Variants in NFIB observed in about 807,000 individuals in gnomAD.
The protein encoded by NFIB is nuclear factor 1 B-type.
Under a neutral mutation model 61.5 loss-of-function variants are expected in NFIB, and 11 were observed. The ratio of observed to expected loss-of-function variants is 0.18; its 90% CI spans 0.11 to 0.30. NFIB has a LOEUF of 0.30. Among genes scored for constraint, NFIB ranks in the 10% least tolerant of loss-of-function variants. NFIB has a pLI of 1.00. For missense variants in NFIB, 471 were observed against 608.9 expected, an observed-to-expected ratio of 0.77 and a Z score of 2.38; for synonymous variants, 260 against 216.5, an observed-to-expected ratio of 1.20 and a Z score of -1.76.
At chr9:14,484,214 T>C in the NFIB span, among the ~76,000 whole-genome samples, 3 of 152,214 alleles carry the variant, frequency 2.0e-5, no homozygotes, top group Non-Finnish European at 4.4e-5. Context: ...GCACTAGACA[T>C]AGAATAGTGA....
intron 2 of NFIB, among the ~76,000 whole-genome samples, chr9:14,288,206 GA>G (rs2058843830): frequency 6.6e-6 from 1 of 151,886 alleles, no homozygotes; most frequent in Admixed American, 6.6e-5. Flanking sequence ...ATAAACAATT[GA>G]AATACCAGAA....
the NFIB span, among the ~76,000 whole-genome samples, chr9:14,415,386 T>C: frequency 3.9e-5 from 6 of 152,342 alleles, no homozygotes; most frequent in South Asian, 1.0e-3. Flanking sequence ...CCATATACTA[T>C]GTTACAATGT....
chr9:14,154,992 T>A (rs1287818683), intron 4 of NFIB, among the ~76,000 whole-genome samples: 1 of 152,108 alleles, frequency 6.6e-6, no homozygotes, highest in Non-Finnish European at 1.5e-5. Context: ...GGTATCAGAG[T>A]GTGACTACAT....
At chr9:14,368,535 A>G (rs933485591) in intron 1 of NFIB, among the ~76,000 whole-genome samples, 2 of 152,208 alleles carry the variant, frequency 1.3e-5, no homozygotes, top group Admixed American at 6.6e-5. Flanking sequence ...AACTCCTTGG[A>G]GTGGTACAGA....
At chr9:14,323,175 A>C (rs558143275) in intron 1 of NFIB, among the ~76,000 whole-genome samples, 1 of 152,162 alleles carries the variant, frequency 6.6e-6, no homozygotes, top group Non-Finnish European at 1.5e-5. Context: ...ACTTTGACTT[A>C]TATTGATAGG....
intron 1 of NFIB, among the ~76,000 whole-genome samples, chr9:14,394,222 G>A (rs2061656615): frequency 6.6e-6 from 1 of 152,144 alleles, no homozygotes; most frequent in South Asian, 2.1e-4. Context: ...AACATAACAA[G>A]TGCTATTATA....
the NFIB span, among the ~76,000 whole-genome samples, chr9:14,503,778 CT>C: frequency 6.6e-6 from 1 of 152,036 alleles, no homozygotes; most frequent in African/African-American, 2.4e-5. Flanking sequence ...TGGGTTGTCT[CT>C]TAACTGCTGA....
intron 3 of NFIB, among the ~76,000 whole-genome samples, chr9:14,178,629 A>G (rs2046421108): frequency 6.6e-6 from 1 of 152,204 alleles, no homozygotes. Flanking sequence ...CTGAAATAAA[A>G]AAACATAGGA....
chr9:14,290,753 G>C (rs1172565105), intron 2 of NFIB, among the ~76,000 whole-genome samples: 1 of 152,032 alleles, frequency 6.6e-6, no homozygotes, highest in Non-Finnish European at 1.5e-5. Context: ...CAGTAAAAAG[G>C]AGATTTTCCT....
At chr9:14,449,550 G>T in the NFIB span, among the ~76,000 whole-genome samples, 1 of 152,182 alleles carries the variant, frequency 6.6e-6, no homozygotes, top group Admixed American at 6.5e-5. Flanking sequence ...TGATCATAAA[G>T]GAAGTTAAAT....
chr9:14,214,751 C>G (rs1169090161), intron 2 of NFIB, among the ~76,000 whole-genome samples: 1 of 152,182 alleles, frequency 6.6e-6, no homozygotes, highest in African/African-American at 2.4e-5. Context: ...TTGGTCCTGA[C>G]TCTCTTTTCC....
intron 2 of NFIB, among the ~76,000 whole-genome samples, chr9:14,294,186 C>T (rs531828870): frequency 1.3e-4 from 20 of 152,302 alleles, no homozygotes; most frequent in African/African-American, 4.8e-4. Context: ...TACTGTAAGA[C>T]CAGTGATCCT....
rs1315478263 is a variant in NFIB, at chr9:14,114,592, T to C, written c.1385-1511A>G. Reference sequence around the variant, plus strand: ...CATCTTTATACAACCAAGATACTCCTTTTGAATATTTTGTAATTTTACTAG... The same window carrying C: ...CATCTTTATACAACCAAGATACTCCCTTTGAATATTTTGTAATTTTACTAG... On this transcript the variant is annotated intron_variant, in intron 9 of 10. Coordinates refer to ENST00000380953, the MANE Select transcript of NFIB (RefSeq NM_001190737.2). Among the ~76,000 whole-genome samples, 5 of 152,236 alleles carry C rather than the reference T, an allele frequency of 3.3e-5. No individual in the cohort carries two copies. The East Asian group carries it at 9.6e-4, about 29-fold the overall frequency.
chr9:14,162,718 G>A lies in NFIB; in HGVS notation c.617-6825C>T, dbSNP rs114786441. ...TATCATCTTCCTTGAATCTGTTGCA[G>A]AGAAGACTCTTAGATAACTCTGAAT... On this transcript the variant is annotated intron_variant, in intron 3 of 10. Coordinates refer to ENST00000380953, the MANE Select transcript of NFIB (RefSeq NM_001190737.2). Among the ~76,000 whole-genome samples, 979 of 152,162 alleles carry A rather than the reference G, an allele frequency of 6.4e-3. 10 individuals carry two copies. The highest frequency in any genetic ancestry group is 0.022 in the African/African-American group (906 of 41,556).
At chr9:14,162,666 T>C (rs1415993059) in intron 3 of NFIB, among the ~76,000 whole-genome samples, 1 of 152,130 alleles carries the variant, frequency 6.6e-6, no homozygotes, top group East Asian at 1.9e-4. Flanking sequence ...AAAAAGTTAT[T>C]GAATGTTTGG....
intron 1 of NFIB, among the ~76,000 whole-genome samples, chr9:14,327,940 A>G (rs2132841411): frequency 6.6e-6 from 1 of 152,318 alleles, no homozygotes; most frequent in South Asian, 2.1e-4. Flanking sequence ...AAGAAGAGAG[A>G]AGGGAGCAGT....
At chr9:14,185,314 A>T (rs6474822) in intron 2 of NFIB, among the ~76,000 whole-genome samples, 113,790 of 152,090 alleles carry the variant, frequency 0.75, 45,166 homozygotes, top group South Asian at 0.93. Context: ...TTTACCAAGA[A>T]GATCTTTATA....
chr9:14,099,335 T>C (rs2035366316), intron 10 of NFIB, among the ~76,000 whole-genome samples: 1 of 152,232 alleles, frequency 6.6e-6, no homozygotes, highest in African/African-American at 2.4e-5. Context: ...TTAAATATTT[T>C]CAACTTATTC....
At chr9:14,280,771 C>A (rs1020032764) in intron 2 of NFIB, among the ~76,000 whole-genome samples, 1 of 151,910 alleles carries the variant, frequency 6.6e-6, no homozygotes, top group Non-Finnish European at 1.5e-5. Context: ...TACTATTTTA[C>A]GAGTAGTAAA....
Sources: allele counts gnomAD v4.1 joint callset (sites outside exome capture counted in the v4.1 genomes callset), GRCh38; gene constraint gnomAD v4.1.1; transcripts MANE v1.5; gene names NCBI Gene and HGNC (gene_info 2026-07-23, HGNC 2026-07-21).